The following FGGY variants were observed in gnomAD, a reference collection of about 807,000 sequenced individuals.
FGGY encodes the protein FGGY carbohydrate kinase domain containing.
Under a neutral mutation model 71.3 loss-of-function variants are expected in FGGY, and 72 were observed. The ratio of observed to expected loss-of-function variants is 1.01; its 90% CI spans 0.84 to 1.23. The LOEUF (loss-of-function observed/expected upper bound fraction) is 1.23. FGGY is among the 50% of genes most tolerant of loss of function. The probability of loss-of-function intolerance (pLI) is 0.00; values close to 1 mark genes in which losing one functional copy is unlikely to be tolerated. For synonymous variants in FGGY, 251 were observed against 250.3 expected (o/e 1.00, Z -0.02); for missense variants, 668 against 682.3 (o/e 0.98, Z 0.23).
chr1:59,733,498 T>C (rs2098067223), intron 14 of FGGY, among the ~76,000 whole-genome samples: 1 of 151,970 alleles, frequency 6.6e-6, no homozygotes, highest in Admixed American at 6.6e-5. Context: ...AGCAAGCACC[T>C]TCACATCTCA....
At chr1:59,678,702 T>C (rs1409562250) in intron 14 of FGGY, among the ~76,000 whole-genome samples, 2 of 152,148 alleles carry the variant, frequency 1.3e-5, no homozygotes, top group Non-Finnish European at 2.9e-5. Flanking sequence ...TATTCAAGTC[T>C]ATTTAGACAA....
intron 6 of FGGY, among the ~76,000 whole-genome samples, chr1:59,464,407 A>G (rs2092469984): frequency 6.6e-6 from 1 of 152,240 alleles, no homozygotes; most frequent in Non-Finnish European, 1.5e-5. Flanking sequence ...CCCACAAGAG[A>G]AAGCAGGAAA....
chr1:59,321,390 A>T, intron 1 of FGGY, 146 bp from the exon 2 acceptor site: 1 of 687,578 alleles, frequency 1.5e-6, no homozygotes, highest in Non-Finnish European at 2.5e-6. Flanking sequence ...TACTGTTATC[A>T]CTAAAAATGT....
intron 11 of FGGY, among the ~76,000 whole-genome samples, chr1:59,639,799 C>T (rs1279840471): frequency 6.6e-6 from 1 of 152,172 alleles, no homozygotes; most frequent in Non-Finnish European, 1.5e-5. Context: ...ACCTAGGAGC[C>T]TTCCCTAGCC....
chr1:59,539,226 A>G (rs1268166491), intron 7 of FGGY, among the ~76,000 whole-genome samples: 1 of 152,214 alleles, frequency 6.6e-6, no homozygotes, highest in Non-Finnish European at 1.5e-5. Context: ...AGTGTACTTC[A>G]GTTCAGCATT....
At chr1:59,498,077 G>A (rs2094103515) in intron 6 of FGGY, among the ~76,000 whole-genome samples, 1 of 152,158 alleles carries the variant, frequency 6.6e-6, no homozygotes, top group Admixed American at 6.5e-5. Context: ...GGTATAACAG[G>A]ATTCTACATG....
intron 5 of FGGY, among the ~76,000 whole-genome samples, chr1:59,418,631 T>C (rs571683975): frequency 2.6e-4 from 39 of 152,342 alleles, no homozygotes; most frequent in Non-Finnish European, 4.0e-4. Flanking sequence ...TCAGTAAATC[T>C]ACATTTTACG....
chr1:59,416,559 A>G (rs888400314), intron 5 of FGGY, among the ~76,000 whole-genome samples: 1 of 152,126 alleles, frequency 6.6e-6, no homozygotes, highest in Non-Finnish European at 1.5e-5. Context: ...TTGATTTCCC[A>G]CTCTCACACC....
intron 8 of FGGY, among the ~76,000 whole-genome samples, chr1:59,603,352 A>G (rs2096595415): frequency 6.6e-6 from 1 of 152,184 alleles, no homozygotes; most frequent in African/African-American, 2.4e-5. Context: ...TATTAAGCAT[A>G]TTGATTAAAC....
intron 5 of FGGY, among the ~76,000 whole-genome samples, chr1:59,438,963 T>A (rs931001413): frequency 2.0e-5 from 3 of 152,202 alleles, no homozygotes; most frequent in Non-Finnish European, 2.9e-5. Context: ...GTCTATAATG[T>A]TTATAATATT....
chr1:59,727,747 C>A (rs1445026359), intron 14 of FGGY, among the ~76,000 whole-genome samples: 2 of 152,130 alleles, frequency 1.3e-5, no homozygotes, highest in Non-Finnish European at 2.9e-5. Context: ...CAAAGCAGTT[C>A]TAAGCAAAAA....
At chr1:59,662,332 A>AT (rs1558720950) in intron 12 of FGGY, among the ~76,000 whole-genome samples, 136 of 150,230 alleles carry the variant, frequency 9.1e-4, no homozygotes, top group African/African-American at 3.3e-3. Context: ...AAAAAAAAAA[A>AT]AAAGAGAGAG....
chr1:59,755,966 G>A (rs2098286889), intron 14 of FGGY: 1 of 152,218 alleles, frequency 6.6e-6, no homozygotes, highest in Admixed American at 6.5e-5. Context: ...AAGAATGAGT[G>A]GCACGGTTGA....
At chr1:59,492,543 G>A (rs1166825998) in intron 6 of FGGY, among the ~76,000 whole-genome samples, 1 of 152,130 alleles carries the variant, frequency 6.6e-6, no homozygotes, top group Non-Finnish European at 1.5e-5. Flanking sequence ...GGCTGCTGGA[G>A]TTCAAGGGGC....
chr1:59,600,499 G>A (rs947628449), intron 8 of FGGY, among the ~76,000 whole-genome samples: 2 of 152,142 alleles, frequency 1.3e-5, no homozygotes, highest in African/African-American at 4.8e-5. Flanking sequence ...ATGAACATAG[G>A]AGAGAATCCA....
At chr1:59,368,119 G>C (rs950853748) in intron 4 of FGGY, among the ~76,000 whole-genome samples, 5 of 152,130 alleles carry the variant, frequency 3.3e-5, no homozygotes, top group African/African-American at 1.2e-4. Flanking sequence ...CTCCTAGTTT[G>C]AACTCTATTA....
chr1:59,742,865 C>T (rs2098162475), intron 14 of FGGY, among the ~76,000 whole-genome samples: 1 of 152,238 alleles, frequency 6.6e-6, no homozygotes, highest in African/African-American at 2.4e-5. Context: ...TCTACCATCA[C>T]CATCCTTTTG....
chr1:59,735,853 A>AT (rs928713465), intron 14 of FGGY, among the ~76,000 whole-genome samples: 64 of 152,196 alleles, frequency 4.2e-4, no homozygotes, highest in African/African-American at 1.3e-3. Flanking sequence ...CCTTTCTTAG[A>AT]TTTTTTTCCC....
At chr1:59,590,118 C>T (rs1024745029) in intron 8 of FGGY, among the ~76,000 whole-genome samples, 20 of 152,000 alleles carry the variant, frequency 1.3e-4, no homozygotes, top group African/African-American at 4.3e-4. Flanking sequence ...CACCACTGAC[C>T]CCACAGAAAT....
Sources: allele counts gnomAD v4.1 joint callset (sites outside exome capture counted in the v4.1 genomes callset), GRCh38; gene constraint gnomAD v4.1.1; transcripts MANE v1.5; gene names NCBI Gene and HGNC (gene_info 2026-07-23, HGNC 2026-07-21).